The following FARS2 variants were observed in gnomAD, a reference collection of about 807,000 sequenced individuals.
The protein encoded by FARS2 is phenylalanyl-tRNA synthetase 2, mitochondrial, also known as phenylalanine--tRNA ligase, mitochondrial.
Under a neutral mutation model 46.4 loss-of-function variants are expected in FARS2, and 40 were observed. The ratio of observed to expected loss-of-function variants is 0.86; its 90% CI spans 0.67 to 1.12. The LOEUF is 1.12. Among genes scored for constraint, FARS2 ranks in the 50% most tolerant of loss-of-function variants. The pLI is 0.00. For synonymous variants in FARS2, 234 were observed against 214.9 expected (o/e 1.09, Z -0.78); for missense variants, 513 against 567.9 (o/e 0.90, Z 0.98).
intron 6 of FARS2, among the ~76,000 whole-genome samples, chr6:5,681,713 T>G (rs1779042517): frequency 1.3e-5 from 2 of 152,208 alleles, no homozygotes; most frequent in South Asian, 4.1e-4. Context: ...TCTCAAGAGA[T>G]CGAAGAAATA....
At chr6:5,340,505 C>T (rs1388255662) in intron 1 of FARS2, among the ~76,000 whole-genome samples, 2 of 152,074 alleles carry the variant, frequency 1.3e-5, no homozygotes, top group South Asian at 2.1e-4. Context: ...TGTAAATACA[C>T]GAGCCCGTAA....
At chr6:5,469,385 T>C (rs1188367738) in intron 4 of FARS2, among the ~76,000 whole-genome samples, 1 of 152,216 alleles carries the variant, frequency 6.6e-6, no homozygotes, top group Non-Finnish European at 1.5e-5. Context: ...CTGCTGTGTG[T>C]CCTTCAGCGG....
At chr6:5,648,682 G>C (rs746274342) in intron 6 of FARS2, among the ~76,000 whole-genome samples, 18 of 151,852 alleles carry the variant, frequency 1.2e-4, no homozygotes, top group Non-Finnish European at 2.5e-4. Flanking sequence ...ACCCTTCATA[G>C]GATTCAAATC....
intron 4 of FARS2, among the ~76,000 whole-genome samples, chr6:5,510,461 C>T (rs1017665631): frequency 6.6e-6 from 1 of 152,228 alleles, no homozygotes; most frequent in Non-Finnish European, 1.5e-5. Flanking sequence ...CCGTGAGTTC[C>T]GCCGCAGCCT....
At chr6:5,522,464 G>A (rs200412797) in intron 4 of FARS2, among the ~76,000 whole-genome samples, 107 of 152,344 alleles carry the variant, frequency 7.0e-4, no homozygotes, top group African/African-American at 2.5e-3. Flanking sequence ...GTTGATGAAA[G>A]GGACAGCCTG....
chr6:5,635,595 G>T (rs1299756763), intron 6 of FARS2, among the ~76,000 whole-genome samples: 1 of 152,094 alleles, frequency 6.6e-6, no homozygotes, highest in East Asian at 1.9e-4. Flanking sequence ...CACATGTGCT[G>T]GTGGGGAAGT....
chr6:5,263,678 C>T (rs368194417), intron 1 of FARS2, among the ~76,000 whole-genome samples: 2 of 152,238 alleles, frequency 1.3e-5, no homozygotes, highest in Admixed American at 6.5e-5. Context: ...GGCATCAAAA[C>T]GTAAAAATTT....
intron 1 of FARS2, among the ~76,000 whole-genome samples, chr6:5,319,006 T>C (rs144561604): frequency 1.4e-3 from 216 of 152,174 alleles, no homozygotes; most frequent in African/African-American, 5.1e-3. Flanking sequence ...AGGAGATGAA[T>C]AGTTAGGTTC....
chr6:5,496,361 T>C (rs1308971660), intron 4 of FARS2, among the ~76,000 whole-genome samples: 1 of 152,142 alleles, frequency 6.6e-6, no homozygotes, highest in African/African-American at 2.4e-5. Flanking sequence ...TTCAGAATAT[T>C]TTGTCATCGA....
At chr6:5,491,952 A>G (rs888918272) in intron 4 of FARS2, among the ~76,000 whole-genome samples, 1 of 152,046 alleles carries the variant, frequency 6.6e-6, no homozygotes, top group Non-Finnish European at 1.5e-5. Flanking sequence ...TTGAGGTTAG[A>G]GATCTCCTTT....
At chr6:5,682,438 ATAAAG>A (rs1240456962) in intron 6 of FARS2, among the ~76,000 whole-genome samples, 24 of 152,324 alleles carry the variant, frequency 1.6e-4, no homozygotes, top group African/African-American at 5.1e-4. Context: ...GTAAAGAAGT[ATAAAG>A]TAGGGGTGGT....
intron 3 of FARS2, among the ~76,000 whole-genome samples, chr6:5,426,239 T>C (rs1320420788): frequency 6.6e-6 from 1 of 152,216 alleles, no homozygotes; most frequent in Non-Finnish European, 1.5e-5. Context: ...ATGCACTTAA[T>C]TTTCCTCTAT....
chr6:5,413,734 C>T (rs1460466717), intron 3 of FARS2, among the ~76,000 whole-genome samples: 1 of 152,206 alleles, frequency 6.6e-6, no homozygotes. Flanking sequence ...ATGCTTCCCC[C>T]TCCTGTAGCA....
chr6:5,650,231 G>T (rs577801271), intron 6 of FARS2, among the ~76,000 whole-genome samples: 1 of 150,040 alleles, frequency 6.7e-6, no homozygotes, highest in Non-Finnish European at 1.5e-5. Context: ...TAGTTATCCT[G>T]GTACCGATGT....
chr6:5,733,539 G>T (rs1760774596), intron 6 of FARS2, among the ~76,000 whole-genome samples: 1 of 152,136 alleles, frequency 6.6e-6, no homozygotes, highest in African/African-American at 2.4e-5. Context: ...GCCCCAGGTG[G>T]GTTTATATTT....
chr6:5,462,292 T>A (rs988417999), intron 4 of FARS2, among the ~76,000 whole-genome samples: 1 of 152,194 alleles, frequency 6.6e-6, no homozygotes, highest in African/African-American at 2.4e-5. Context: ...ATATTCTAGA[T>A]ATAAGATCTT....
intron 1 of FARS2, among the ~76,000 whole-genome samples, chr6:5,319,695 G>A (rs1023614269): frequency 1.3e-5 from 2 of 152,046 alleles, no homozygotes; most frequent in African/African-American, 4.8e-5. Flanking sequence ...TATGCCCCTT[G>A]GTGGAATTCT....
At chr6:5,673,040 GT>G (rs1241555508) in intron 6 of FARS2, among the ~76,000 whole-genome samples, 5 of 152,192 alleles carry the variant, frequency 3.3e-5, no homozygotes, top group Non-Finnish European at 7.3e-5. Context: ...TGCCTTTGCA[GT>G]TTAGCATCAA....
intron 1 of FARS2, among the ~76,000 whole-genome samples, chr6:5,341,216 TATATATATA>T (rs1771577238): frequency 5.8e-4 from 4 of 6,942 alleles, no homozygotes; most frequent in African/African-American, 9.8e-4. Flanking sequence ...TATATATATA[TATATATATA>T]TATATATATA....
Sources: gnomAD v4.1 joint callset for allele counts (sites outside exome capture counted in the v4.1 genomes callset) on GRCh38, gnomAD v4.1.1 for gene constraint, MANE v1.5 for transcripts, NCBI Gene and HGNC (gene_info 2026-07-23, HGNC 2026-07-21) for gene names.